Variants in KLF12 observed in about 807,000 individuals in gnomAD.
KLF12 encodes Krueppel-like factor 12.
A neutral mutation model predicts 37.8 loss-of-function variants in KLF12; 9 were observed. The ratio of observed to expected loss-of-function variants is 0.24; its 90% confidence interval spans 0.14 to 0.42. KLF12 has a LOEUF of 0.42. Ranked by LOEUF, KLF12 falls within the 10% of genes least tolerant of loss-of-function variation. KLF12 has a pLI of 1.00. For synonymous variants in KLF12, 208 were observed against 202.1 expected (o/e 1.03, Z -0.25); for missense variants, 411 against 516.0 (o/e 0.80, Z 1.97).
intron 3 of KLF12, among the ~76,000 whole-genome samples, chr13:73,865,002 G>T (rs1886101913): frequency 6.6e-6 from 1 of 151,960 alleles, no homozygotes; most frequent in African/African-American, 2.4e-5. Flanking sequence ...AATATATGAT[G>T]AAAGACATAT....
At chr13:74,254,325 C>T in the KLF12 span, among the ~76,000 whole-genome samples, 2 of 152,116 alleles carry the variant, frequency 1.3e-5, no homozygotes, top group South Asian at 4.1e-4. Flanking sequence ...AGAGATAACT[C>T]CATTCACCTT....
chr13:73,912,769 C>T (rs1212810593), intron 3 of KLF12, among the ~76,000 whole-genome samples: 1 of 152,194 alleles, frequency 6.6e-6, no homozygotes, highest in Non-Finnish European at 1.5e-5. Flanking sequence ...GGCTAACTCA[C>T]ACACCAGAGT....
rs921638638 is a variant in KLF12 at position 74,071,330 on chromosome 13, T to A, written c.-32+62409A>T. 7.9e-5 allele frequency among the ~76,000 whole-genome samples: 12 copies of A among 152,232 alleles called. No homozygotes were observed. In the Middle Eastern group the frequency reaches 0.017, roughly 216 times the overall value. On this transcript the variant is annotated intron_variant, in intron 1 of 7. Coordinates refer to ENST00000377669, the MANE Select transcript of KLF12 (RefSeq NM_007249.5). Reference sequence around the variant, plus strand: ...AGAAAATGAATCAATTGCTATTTCATATGGCAGGTGTTAAACCTATAATCC... The same window carrying A: ...AGAAAATGAATCAATTGCTATTTCAAATGGCAGGTGTTAAACCTATAATCC...
At chr13:74,163,126 G>C in the KLF12 span, among the ~76,000 whole-genome samples, 1 of 152,194 alleles carries the variant, frequency 6.6e-6, no homozygotes, top group East Asian at 1.9e-4. Context: ...CCTGTACGCT[G>C]TTGGTGGGAA....
intron 1 of KLF12, among the ~76,000 whole-genome samples, chr13:73,998,032 C>A (rs1401718395): frequency 3.3e-5 from 5 of 152,080 alleles, no homozygotes; most frequent in East Asian, 1.9e-4. Flanking sequence ...TTTTTAAATT[C>A]TTTCCTTTCT....
chr13:73,949,455 T>G (rs1353899085), intron 2 of KLF12, among the ~76,000 whole-genome samples: 1 of 152,216 alleles, frequency 6.6e-6, no homozygotes, highest in Non-Finnish European at 1.5e-5. Context: ...AGTCAAGTTT[T>G]CCACATATTT....
intron 2 of KLF12, among the ~76,000 whole-genome samples, chr13:73,945,344 C>T (rs1890374448): frequency 6.6e-6 from 1 of 152,134 alleles, no homozygotes; most frequent in South Asian, 2.1e-4. Flanking sequence ...TGGCAGGCAC[C>T]TGTAATCCAA....
intron 1 of KLF12, among the ~76,000 whole-genome samples, chr13:74,076,248 TTGCACATCTTAG>T (rs1447796098): frequency 6.6e-6 from 1 of 152,224 alleles, no homozygotes; most frequent in Admixed American, 6.5e-5. Context: ...GTTTTCATAA[TTGCACATCTTAG>T]TGCATTTGTG....
the KLF12 span, among the ~76,000 whole-genome samples, chr13:74,144,433 C>T: frequency 6.6e-6 from 1 of 152,184 alleles, no homozygotes; most frequent in African/African-American, 2.4e-5. Flanking sequence ...ACTACCACTA[C>T]TATATAACTG....
At chr13:73,776,258 A>C (rs1157391641) in intron 5 of KLF12, among the ~76,000 whole-genome samples, 1 of 152,248 alleles carries the variant, frequency 6.6e-6, no homozygotes, top group African/African-American at 2.4e-5. Context: ...ACTGAATCAC[A>C]GAGCGGTCTG....
chr13:74,252,245 G>A, the KLF12 span, among the ~76,000 whole-genome samples: 1 of 152,196 alleles, frequency 6.6e-6, no homozygotes, highest in Admixed American at 6.5e-5. Flanking sequence ...CCTTGCCAAG[G>A]ACCCTTAGGT....
chr13:73,834,117 G>C (rs886592739), intron 4 of KLF12, among the ~76,000 whole-genome samples: 30 of 152,142 alleles, frequency 2.0e-4, no homozygotes, highest in African/African-American at 7.2e-4. Context: ...AAATTGTAGT[G>C]TAGAATTCGG....
chr13:73,970,481 T>G (rs1891299812), intron 2 of KLF12, among the ~76,000 whole-genome samples: 1 of 152,158 alleles, frequency 6.6e-6, no homozygotes, highest in Non-Finnish European at 1.5e-5. Context: ...TCTGACTTCC[T>G]GGGATCAGTG....
intron 1 of KLF12, among the ~76,000 whole-genome samples, chr13:74,034,542 T>C (rs942543839): frequency 3.9e-5 from 6 of 152,228 alleles, no homozygotes; most frequent in Admixed American, 2.6e-4. Flanking sequence ...GACAAAACTT[T>C]TATTATAAAA....
rs545557957 is a variant in KLF12, at chr13:73,942,696, A to T, written c.123+1285T>A. ...CTCTACTGCCTGTGTCTTGGGCTGA[A>T]TCTGTTATGAATTGGTCATTATATC... On this transcript the variant is annotated intron_variant, in intron 3 of 7. Coordinates refer to ENST00000377669, the MANE Select transcript of KLF12 (RefSeq NM_007249.5). Among the ~76,000 whole-genome samples the T allele has an allele frequency of 3.9e-5, 6 of 152,286 alleles. No homozygotes were observed. The South Asian group carries it at 1.2e-3, about 32-fold the overall frequency.
chr13:73,905,671 T>C (rs1468304948), intron 3 of KLF12, among the ~76,000 whole-genome samples: 4 of 151,902 alleles, frequency 2.6e-5, no homozygotes, highest in Admixed American at 1.3e-4. Flanking sequence ...GCAGATAACA[T>C]GGTGAAATAC....
At chr13:74,190,506 C>T in the KLF12 span, among the ~76,000 whole-genome samples, 20 of 152,122 alleles carry the variant, frequency 1.3e-4, no homozygotes, top group Admixed American at 1.2e-3. Flanking sequence ...GGACTGGTTT[C>T]TGAGCATTAT....
At chr13:73,745,804 C>A (rs1878321619) in intron 6 of KLF12, among the ~76,000 whole-genome samples, 1 of 152,120 alleles carries the variant, frequency 6.6e-6, no homozygotes, top group Admixed American at 6.5e-5. Context: ...TTTCAAGATA[C>A]CCACCAGTTT....
intron 3 of KLF12, among the ~76,000 whole-genome samples, chr13:73,893,205 T>G (rs914435799): frequency 6.6e-6 from 1 of 151,932 alleles, no homozygotes; most frequent in Non-Finnish European, 1.5e-5. Flanking sequence ...TCAAATCTCT[T>G]TTCTAATGAC....
Sources: allele counts gnomAD v4.1 joint callset (sites outside exome capture counted in the v4.1 genomes callset), GRCh38; gene constraint gnomAD v4.1.1; transcripts MANE v1.5; gene names NCBI Gene and HGNC (gene_info 2026-07-23, HGNC 2026-07-21).